Variants in LRBA observed in about 807,000 individuals in gnomAD.
The protein encoded by LRBA is LPS responsive beige-like anchor protein.
In LRBA, 176 loss-of-function variants were observed where a neutral mutation model predicts 330.0. That is an observed-to-expected ratio of 0.53 (90% CI 0.47 to 0.60). The LOEUF (loss-of-function observed/expected upper bound fraction) is 0.60, where lower values mean the gene tolerates loss of function less well. LRBA is among the 20% of genes least tolerant of loss of function. The probability of loss-of-function intolerance (pLI) is 0.00; values close to 1 mark genes in which losing one functional copy is unlikely to be tolerated. For synonymous variants in LRBA, 1,230 were observed against 1,193.0 expected (o/e 1.03, Z -0.64); for missense variants, 3,259 against 3,444.8 (o/e 0.95, Z 1.35).
At chr4:150,525,531 T>C (rs935728205) in intron 40 of LRBA, among the ~76,000 whole-genome samples, 1 of 152,178 alleles carries the variant, frequency 6.6e-6, no homozygotes, top group African/African-American at 2.4e-5. Context: ...CACAGATCTC[T>C]AGAACAAATA....
chr4:150,696,935 G>A (rs1784668314), intron 36 of LRBA, among the ~76,000 whole-genome samples: 1 of 151,056 alleles, frequency 6.6e-6, no homozygotes, highest in African/African-American at 2.4e-5. Flanking sequence ...GATTCCTTGA[G>A]CCCAGGAAGT....
chr4:150,444,061 G>A (rs1752263125), intron 44 of LRBA, among the ~76,000 whole-genome samples: 1 of 151,290 alleles, frequency 6.6e-6, no homozygotes, highest in African/African-American at 2.4e-5. Context: ...CATAATGTCT[G>A]TGGATATCAC....
In LRBA at chr4:151,003,885, C is replaced by CTGTG. The variant is rs56025404; in HGVS notation, c.216+10538_216+10541dup. On this transcript the variant is annotated intron_variant, in intron 2 of 56. Coordinates refer to ENST00000651943, the MANE Select transcript of LRBA (RefSeq NM_001364905.1). The stretch of plus-strand genomic sequence containing the variant: ...GAATATGTGTATCTATAGCCAACTG[C>CTGTG]TGTGTGTGTGTGTGTGTGTGTGTGT... Among the ~76,000 whole-genome samples, 969 of 134,172 alleles carry CTGTG rather than the reference C, an allele frequency of 7.2e-3. 9 individuals carry two copies. Among genetic ancestry groups the CTGTG allele is most frequent in the East Asian group, 0.025 (111 of 4,392 alleles). 88.0% of individuals were successfully genotyped at this position (134,172 alleles called of 152,430 possible). A position where few individuals can be genotyped will look rare whatever the true frequency, so the allele number is the denominator to read the frequency against.
chr4:150,603,762 G>A (rs1032719173), intron 37 of LRBA, among the ~76,000 whole-genome samples: 19 of 152,210 alleles, frequency 1.2e-4, no homozygotes, highest in African/African-American at 4.6e-4. Context: ...AGCCTCCTGA[G>A]TAGCTGGGAT....
intron 17 of LRBA, among the ~76,000 whole-genome samples, chr4:150,880,527 A>C (rs1183363401): frequency 6.6e-6 from 1 of 152,174 alleles, no homozygotes; most frequent in East Asian, 1.9e-4. Flanking sequence ...CTCCAAAAAA[A>C]AAAAAAAAAA....
At chr4:150,987,262 A>G (rs916035199) in intron 2 of LRBA, among the ~76,000 whole-genome samples, 2 of 152,232 alleles carry the variant, frequency 1.3e-5, no homozygotes, top group African/African-American at 4.8e-5. Context: ...TAATGACAAG[A>G]GCAAAACAAA....
chr4:150,471,939 T>C (rs1756180482), intron 42 of LRBA, among the ~76,000 whole-genome samples, 200 bp from the exon 43 acceptor site: 1 of 152,104 alleles, frequency 6.6e-6, no homozygotes, highest in Admixed American at 6.6e-5. Flanking sequence ...ATTATACATG[T>C]TGTATTCATT....
At position 150,849,580 on chromosome 4, in the gene LRBA, C is replaced by T. The variant is rs201347796; in HGVS notation, c.4005-5G>A. 43 of 1,606,968 alleles carry T rather than the reference C, an allele frequency of 2.7e-5. No individual in the cohort carries two copies. In the Middle Eastern group the frequency reaches 6.6e-4, roughly 25 times the overall value. On this transcript the variant is annotated splice_region_variant and splice_polypyrimidine_tract_variant and intron_variant, in intron 24 of 56. Coordinates refer to ENST00000651943, the MANE Select transcript of LRBA (RefSeq NM_001364905.1). ...ATAACTGTCTTTGTTGAATGGCTGT[C>T]CAAAGATAAATGATATTTACTGATA...
At chr4:150,548,580 TA>T (rs1298102475) in intron 40 of LRBA, among the ~76,000 whole-genome samples, 2 of 152,146 alleles carry the variant, frequency 1.3e-5, no homozygotes, top group African/African-American at 4.8e-5. Context: ...TATTAAAATA[TA>T]AAAATACATC....
intron 40 of LRBA, among the ~76,000 whole-genome samples, chr4:150,567,169 A>G (rs1302133718): frequency 6.6e-6 from 1 of 152,156 alleles, no homozygotes; most frequent in Non-Finnish European, 1.5e-5. Context: ...CTTACCTAAA[A>G]TGATAATAAC....
At chr4:150,611,403 C>T (rs1775247475) in intron 37 of LRBA, among the ~76,000 whole-genome samples, 1 of 152,098 alleles carries the variant, frequency 6.6e-6, no homozygotes, top group Non-Finnish European at 1.5e-5. Flanking sequence ...TAGAACTACC[C>T]ATTACCAAAA....
chr4:150,887,565 G>A lies in LRBA; in HGVS notation c.2165+5487C>T, dbSNP rs550211515. ...GAGGCAGGCAGATGGTCAGGAGATC[G>A]AGACCATCCTGGCTAATACGGTGAA... On this transcript the variant is annotated intron_variant, in intron 17 of 56. Coordinates refer to ENST00000651943, the MANE Select transcript of LRBA (RefSeq NM_001364905.1). 3.7e-4 allele frequency among the ~76,000 whole-genome samples: 57 copies of A among 152,078 alleles called. 1 individual carries two copies. Among genetic ancestry groups the A allele is most frequent in the Admixed American group, 2.0e-3 (30 of 15,274 alleles).
At chr4:150,393,924 G>A (rs1744360664) in intron 47 of LRBA, among the ~76,000 whole-genome samples, 2 of 152,184 alleles carry the variant, frequency 1.3e-5, no homozygotes, top group Non-Finnish European at 2.9e-5. Flanking sequence ...TTTACATAAA[G>A]AGTAGGTCAA....
At chr4:150,771,953 C>T (rs879431502) in intron 34 of LRBA, among the ~76,000 whole-genome samples, 3 of 152,184 alleles carry the variant, frequency 2.0e-5, no homozygotes, top group Non-Finnish European at 4.4e-5. Context: ...ACATAGGACA[C>T]AAATACACAG....
chr4:150,988,084 GATT>G (rs1741660306), intron 2 of LRBA, among the ~76,000 whole-genome samples: 1 of 150,492 alleles, frequency 6.6e-6, no homozygotes, highest in African/African-American at 2.4e-5. Flanking sequence ...CATCATCATA[GATT>G]ATTAGACTTC....
chr4:150,859,254 A>G (rs1388194928), intron 22 of LRBA, among the ~76,000 whole-genome samples: 1 of 152,170 alleles, frequency 6.6e-6, no homozygotes, highest in Admixed American at 6.6e-5. Flanking sequence ...TAAGTCATAA[A>G]CCCATTCTAA....
chr4:150,465,167 G>A (rs900989430), intron 44 of LRBA, among the ~76,000 whole-genome samples: 10 of 151,956 alleles, frequency 6.6e-5, no homozygotes, highest in Admixed American at 4.6e-4. Flanking sequence ...GCCTTTTTGG[G>A]ACTGGCTTAT....
intron 37 of LRBA, among the ~76,000 whole-genome samples, chr4:150,640,603 G>A (rs1778583431): frequency 6.6e-6 from 1 of 152,122 alleles, no homozygotes; most frequent in Non-Finnish European, 1.5e-5. Context: ...AGAGGGTGAA[G>A]AACTATAGCA....
intron 2 of LRBA, among the ~76,000 whole-genome samples, chr4:151,004,007 C>T (rs1743724738): frequency 6.6e-6 from 1 of 151,448 alleles, no homozygotes; most frequent in South Asian, 2.1e-4. Flanking sequence ...GCAACCTCCA[C>T]CTCCTGGGTT....
Sources: allele counts gnomAD v4.1 joint callset (sites outside exome capture counted in the v4.1 genomes callset), GRCh38; gene constraint gnomAD v4.1.1; transcripts MANE v1.5; gene names NCBI Gene and HGNC (gene_info 2026-07-23, HGNC 2026-07-21).